Variants in ALMS1 observed in about 807,000 individuals in gnomAD.
The protein encoded by ALMS1 is ALMS1 centrosome and basal body associated protein, also known as centrosome-associated protein ALMS1.
A neutral mutation model predicts 352.2 loss-of-function variants in ALMS1; 271 were observed. The observed-to-expected ratio is 0.77, with a 90% CI of 0.70 to 0.85. The LOEUF (loss-of-function observed/expected upper bound fraction) is 0.85, where lower values mean the gene tolerates loss of function less well. Among genes scored for constraint, ALMS1 ranks in the 40% least tolerant of loss-of-function variants. The pLI, the probability that ALMS1 is intolerant of heterozygous loss-of-function variation, is 0.00. For missense variants in ALMS1, 5,445 were observed against 4,870.7 expected (o/e 1.12, Z -3.51); for synonymous variants, 1,865 against 1,761.2 (o/e 1.06, Z -1.48).
chr2:73,511,157 T>C (rs1468862933), intron 10 of ALMS1, among the ~76,000 whole-genome samples: 1 of 152,164 alleles, frequency 6.6e-6, no homozygotes, highest in Non-Finnish European at 1.5e-5. Context: ...CTAGACCACT[T>C]GCCTTCCTGG....
chr2:73,567,313 T>C lies in ALMS1; in HGVS notation c.10385-4949T>C, dbSNP rs557980388. ...ACTTGTTTTGAATAACAGACCCTCCTTGAACCTTTATCACTCGCTCTTGAA... is the reference window on the plus strand; with the variant it reads ...ACTTGTTTTGAATAACAGACCCTCCCTGAACCTTTATCACTCGCTCTTGAA... On this transcript the variant is annotated intron_variant, in intron 15 of 22. Transcript: ENST00000613296. 3.8e-4 allele frequency among the ~76,000 whole-genome samples: 58 copies of C among 152,318 alleles called. No homozygotes were observed. In the South Asian group the frequency reaches 0.011, roughly 28 times the overall value.
chr2:73,440,497 C>T (rs1351979370), intron 7 of ALMS1, among the ~76,000 whole-genome samples: 1 of 152,088 alleles, frequency 6.6e-6, no homozygotes. Context: ...TCTCTCGGCT[C>T]ACTGAAACCT....
At chr2:73,523,341 T>G (rs754871743) in intron 11 of ALMS1, among the ~76,000 whole-genome samples, 5 of 152,210 alleles carry the variant, frequency 3.3e-5, no homozygotes, top group Non-Finnish European at 7.3e-5. Flanking sequence ...CAACCTTTTG[T>G]CTCATTTCCT....
chr2:73,604,335 C>T (rs1404828462), intron 21 of ALMS1, among the ~76,000 whole-genome samples: 2 of 152,160 alleles, frequency 1.3e-5, no homozygotes, highest in East Asian at 3.8e-4. Flanking sequence ...GAATTTGAGA[C>T]TGCAGTGAGC....
At chr2:73,395,074 A>ATTT (rs1286212985) in intron 1 of ALMS1, among the ~76,000 whole-genome samples, 7 of 101,268 alleles carry the variant, frequency 6.9e-5, no homozygotes, top group African/African-American at 1.6e-4. Flanking sequence ...ATATATATAT[A>ATTT]TATATTTTTT....
intron 11 of ALMS1, among the ~76,000 whole-genome samples, chr2:73,531,447 A>G (rs1026620378): frequency 6.6e-6 from 1 of 152,292 alleles, no homozygotes; most frequent in East Asian, 1.9e-4. Context: ...ATCTGAGACT[A>G]CCTCAACCTG....
intron 10 of ALMS1, among the ~76,000 whole-genome samples, chr2:73,494,890 T>TA (rs1673071559): frequency 6.6e-6 from 1 of 152,278 alleles, no homozygotes; most frequent in South Asian, 2.1e-4. Context: ...CTTTGACTAC[T>TA]AATTTTAGCA....
intron 9 of ALMS1, chr2:73,457,062 A>G (rs897600687): frequency 6.6e-6 from 1 of 152,148 alleles, no homozygotes; most frequent in Non-Finnish European, 1.5e-5. Flanking sequence ...CTGTCAATGT[A>G]CTGTGAGATC....
chr2:73,484,109 T>C (rs1462564394), intron 9 of ALMS1, among the ~76,000 whole-genome samples: 1 of 151,826 alleles, frequency 6.6e-6, no homozygotes, highest in East Asian at 1.9e-4. Flanking sequence ...AATTTGATCC[T>C]GTCATTATGA....
At chr2:73,480,261 A>G (rs1198254563) in intron 9 of ALMS1, among the ~76,000 whole-genome samples, 1 of 151,616 alleles carries the variant, frequency 6.6e-6, no homozygotes, top group East Asian at 1.9e-4. Flanking sequence ...AGAGTGTGAT[A>G]TTCTCCTTCC....
intron 17 of ALMS1, 51 bp downstream of exon 17, chr2:73,599,572 TA>T (rs1675627918): frequency 6.3e-7 from 1 of 1,575,784 alleles, no homozygotes. Flanking sequence ...AAATGGCTCT[TA>T]AACATGTAAG....
chr2:73,549,209 ATAGAT>A (rs1337738519), intron 12 of ALMS1, among the ~76,000 whole-genome samples: 1 of 152,218 alleles, frequency 6.6e-6, no homozygotes, highest in East Asian at 1.9e-4. Context: ...GGCATGGATT[ATAGAT>A]TAATTTATTT....
chr2:73,470,193 G>T (rs1172416234), intron 9 of ALMS1: 4 of 151,266 alleles, frequency 2.6e-5, no homozygotes, highest in African/African-American at 9.7e-5. Context: ...TTTTATTTCT[G>T]CTCTAATTTT....
At chr2:73,440,528 A>G (rs1671697981) in intron 7 of ALMS1, among the ~76,000 whole-genome samples, 1 of 151,340 alleles carries the variant, frequency 6.6e-6, no homozygotes, top group African/African-American at 2.4e-5. Flanking sequence ...GGTTCAGGCA[A>G]TTCTCGTGTC....
intron 15 of ALMS1, among the ~76,000 whole-genome samples, chr2:73,569,209 T>G (rs1384125795): frequency 1.3e-5 from 2 of 151,798 alleles, no homozygotes; most frequent in Non-Finnish European, 2.9e-5. Context: ...GAGATGGGGT[T>G]TCACCATGTT....
intron 2 of ALMS1, among the ~76,000 whole-genome samples, chr2:73,417,168 G>A (rs1324141625): frequency 6.6e-6 from 1 of 152,156 alleles, no homozygotes; most frequent in Admixed American, 6.5e-5. Flanking sequence ...ATATAATACA[G>A]TTGTTAAATT....
At chr2:73,599,009 G>A (rs754154081) in intron 16 of ALMS1, among the ~76,000 whole-genome samples, 7 of 152,100 alleles carry the variant, frequency 4.6e-5, no homozygotes, top group Non-Finnish European at 1.0e-4. Context: ...TAATTGGAGA[G>A]CGCTCTCTTC....
chr2:73,572,279 G>C lies in ALMS1; in HGVS notation c.10402G>C (p.Glu3468Gln), dbSNP rs1390696376. The change falls in exon 16 of 23, where the codon GAA (glutamate) becomes CAA (glutamine). Residue 3468 changes from glutamate to glutamine, a missense_variant. Glu to Gln is a conservative substitution (Grantham distance 29, BLOSUM62 2). Coordinates refer to ENST00000613296, the MANE Select transcript of ALMS1 (RefSeq NM_001378454.1). ...CTTTTCAGAGTCCGAATGTCATTCA[G>C]AATTTGAAAATACTACCCGTTCTGT... ...INIEESECHS[E>Q]FENTTRSVFR... The C allele has an allele frequency of 6.2e-7, 1 of 1,607,788 alleles. No individual in the cohort carries two copies. Among genetic ancestry groups the C allele is most frequent in the Non-Finnish European group, 8.5e-7 (1 of 1,178,372 alleles).
chr2:73,599,711 G>T (rs1402816991), intron 17 of ALMS1, among the ~76,000 whole-genome samples, 190 bp downstream of exon 17: 1 of 152,272 alleles, frequency 6.6e-6, no homozygotes, highest in Non-Finnish European at 1.5e-5. Flanking sequence ...TAGGGAAGCG[G>T]GTTCCCTTGT....
Sources: gnomAD v4.1 joint callset for allele counts (sites outside exome capture counted in the v4.1 genomes callset) on GRCh38, gnomAD v4.1.1 for gene constraint, MANE v1.5 for transcripts, NCBI Gene and HGNC (gene_info 2026-07-23, HGNC 2026-07-21) for gene names.